Variants in LIPG observed in about 807,000 individuals in gnomAD.
The protein encoded by LIPG is endothelial lipase.
LIPG carries 34 observed loss-of-function variants against 51.8 expected under a neutral mutation model. That is an observed-to-expected ratio of 0.66 (90% CI 0.50 to 0.87). The LOEUF (loss-of-function observed/expected upper bound fraction) is 0.87. Ranked by LOEUF, LIPG falls within the 40% of genes least tolerant of loss-of-function variation. The pLI is 0.00. For synonymous variants in LIPG, 246 were observed against 246.1 expected (o/e 1.00, Z 0.00); for missense variants, 580 against 652.7 (o/e 0.89, Z 1.21).
At chr18:49,561,617 G>T, upstream of LIPG, 1 of 1,174,164 alleles carries the variant, frequency 8.5e-7, no homozygotes, top group South Asian at 4.3e-5. Flanking sequence ...GCTCTCCCCC[G>T]ACGGACTCCC....
upstream of LIPG, chr18:49,561,999 C>G (rs1199000570): frequency 2.1e-6 from 3 of 1,406,200 alleles, no homozygotes; most frequent in Non-Finnish European, 2.8e-6. Flanking sequence ...AAATCACCAT[C>G]TGGCGATGGG....
At chr18:49,577,913 G>C (rs1196263269) in intron 5 of LIPG, among the ~76,000 whole-genome samples, 1 of 107,606 alleles carries the variant, frequency 9.3e-6, no homozygotes, top group Non-Finnish European at 1.9e-5. Context: ...TTCCCAGTAG[G>C]GGTGGGCGGG....
intron 1 of LIPG, among the ~76,000 whole-genome samples, chr18:49,565,075 A>C (rs1683505418): frequency 6.6e-6 from 1 of 152,250 alleles, no homozygotes; most frequent in African/African-American, 2.4e-5. Context: ...AGATCTATTT[A>C]TTTCAGAGTG....
intron 9 of LIPG, among the ~76,000 whole-genome samples, chr18:49,587,872 C>T (rs763605937): frequency 6.6e-5 from 10 of 151,970 alleles, no homozygotes; most frequent in East Asian, 3.9e-4. Context: ...ACTGCAGCCT[C>T]GACCTCCCCA....
intron 4 of LIPG, among the ~76,000 whole-genome samples, chr18:49,571,735 C>T (rs906585671): frequency 4.6e-5 from 7 of 152,152 alleles, no homozygotes; most frequent in African/African-American, 7.2e-5. Flanking sequence ...TGGGGTCCTG[C>T]GTCCAGTGAT....
chr18:49,583,483 CTG>C, intron 7 of LIPG, 71 bp from the exon 8 acceptor site: 1 of 1,273,708 alleles, frequency 7.9e-7, no homozygotes. Flanking sequence ...GTTACTGCCA[CTG>C]TGTCACCCCA....
intron 5 of LIPG, among the ~76,000 whole-genome samples, chr18:49,577,625 G>A (rs962183526): frequency 6.9e-6 from 1 of 145,296 alleles, no homozygotes; most frequent in African/African-American, 2.7e-5. Context: ...CTCCCGGACG[G>A]GGCGGCTGGC....
At chr18:49,574,254 T>G (rs1397205909) in intron 4 of LIPG, among the ~76,000 whole-genome samples, 6 of 152,162 alleles carry the variant, frequency 3.9e-5, no homozygotes, top group Non-Finnish European at 8.8e-5. Context: ...TCTCTTAAGA[T>G]CTCACGTGGA....
intron 8 of LIPG, among the ~76,000 whole-genome samples, chr18:49,584,423 C>G (rs1431836008): frequency 1.3e-5 from 2 of 152,206 alleles, no homozygotes; most frequent in African/African-American, 4.8e-5. Flanking sequence ...TGCCTGGACT[C>G]CCTGAGCAGG....
intron 6 of LIPG, 73 bp downstream of exon 6, chr18:49,581,730 A>C: frequency 6.3e-7 from 1 of 1,575,048 alleles, no homozygotes; most frequent in Non-Finnish European, 8.6e-7. Flanking sequence ...GCTGCAGAGC[A>C]GGGCACATCC....
In LIPG at chr18:49,597,022, G is replaced by T. The variant is rs138799470; in HGVS notation, c.*6500G>T. ...GTTGTCTGCATTGTTTAAAGAAGAC[G>T]TTTGTTAATCCAAATTAATCTTTGA... On this transcript the variant is annotated 3_prime_UTR_variant, in exon 10 of 10. Coordinates refer to ENST00000261292, the MANE Select transcript of LIPG (RefSeq NM_006033.4). The T allele has an allele frequency of 6.6e-6, 1 of 152,176 alleles. No individual in the cohort carries two copies. The highest frequency in any genetic ancestry group is 2.4e-5 in the African/African-American group (1 of 41,426). 9.4% of individuals were successfully genotyped at this position (152,176 alleles called of 1,614,324 possible).
intron 4 of LIPG, among the ~76,000 whole-genome samples, chr18:49,574,521 C>G (rs1475339407): frequency 1.3e-5 from 2 of 152,156 alleles, no homozygotes; most frequent in African/African-American, 4.8e-5. Flanking sequence ...GTGAAAGTCT[C>G]TCTTACTGCT....
chr18:49,573,254 G>A lies in LIPG; in HGVS notation c.572-2115G>A, dbSNP rs192242697. Among the ~76,000 whole-genome samples, 33 of 152,352 alleles carry A rather than the reference G, an allele frequency of 2.2e-4. No individual in the cohort carries two copies. The East Asian group carries it at 5.0e-3, about 23-fold the overall frequency. ...CCTCCAGGGGACATGGTGAGAGGCA[G>A]GGAGAGGCCGCTGTGTCAGTACTGC... On this transcript the variant is annotated intron_variant, in intron 4 of 9. Coordinates refer to ENST00000261292, the MANE Select transcript of LIPG (RefSeq NM_006033.4).
rs868469854 is a variant in LIPG, at chr18:49,568,746, A to G, written c.460-691A>G. Among the ~76,000 whole-genome samples the G allele has an allele frequency of 2.0e-5, 3 of 152,170 alleles. No homozygotes were observed. In the East Asian group the frequency reaches 5.8e-4, roughly 29 times the overall value. On this transcript the variant is annotated intron_variant, in intron 3 of 9. Coordinates refer to ENST00000261292, the MANE Select transcript of LIPG (RefSeq NM_006033.4). ...GGATTTAGCTGGGAGAAGGCAGGGC[A>G]GGGTACACTGTCAAAGCGGCACCAT...
Position 49,594,230 on chromosome 18 carries a change from G to A in LIPG, c.*3708G>A, listed in dbSNP as rs9953437. ...GCCCACTGCAACCTCCGCCTCCTGG[G>A]TTCAAGTGATTCTCCTGCCTCAGCC... On this transcript the variant is annotated 3_prime_UTR_variant, in exon 10 of 10. Coordinates refer to ENST00000261292, the MANE Select transcript of LIPG (RefSeq NM_006033.4). The A allele has an allele frequency of 0.12, 18,166 of 152,178 alleles. 1,784 individuals carry two copies. Among genetic ancestry groups the A allele is most frequent in the East Asian group, 0.42 (2,174 of 5,170 alleles). 9.4% of individuals were successfully genotyped at this position (152,178 alleles called of 1,614,324 possible).
rs1357878601 is a variant in LIPG at position 49,595,520 on chromosome 18, G to C, written c.*4998G>C. On this transcript the variant is annotated 3_prime_UTR_variant, in exon 10 of 10. Transcript: ENST00000261292. ...TTTGTAAACATTTGAATTGATAAGA[G>C]GACAGTGTGAGACAAAAATAAAATC... The C allele has an allele frequency of 2.0e-5, 3 of 152,082 alleles. No homozygotes were observed. Among genetic ancestry groups the C allele is most frequent in the Admixed American group, 2.0e-4 (3 of 15,258 alleles). The allele number at this position is 152,082 out of a possible 1,614,324, so 9.4% of individuals were successfully genotyped here.
At chr18:49,564,168 C>G (rs1254395307) in intron 1 of LIPG, among the ~76,000 whole-genome samples, 1 of 152,182 alleles carries the variant, frequency 6.6e-6, no homozygotes, top group East Asian at 1.9e-4. Flanking sequence ...CACTATATCT[C>G]TTTCCTTTTG....
Position 49,571,899 on chromosome 18 carries a change from A to G in LIPG, c.571+2351A>G, listed in dbSNP as rs565851246. ...AGAGAAGCCTGTGATACTAGGAAAGAGGTCATATATTTATAGTTGAACCTG... is the reference window on the plus strand; with the variant it reads ...AGAGAAGCCTGTGATACTAGGAAAGGGGTCATATATTTATAGTTGAACCTG... On this transcript the variant is annotated intron_variant, in intron 4 of 9. Coordinates refer to ENST00000261292, the MANE Select transcript of LIPG (RefSeq NM_006033.4). 1.7e-4 allele frequency among the ~76,000 whole-genome samples: 26 copies of G among 152,344 alleles called. 1 individual carries two copies. The South Asian group carries it at 5.2e-3, about 30-fold the overall frequency.
upstream of LIPG, chr18:49,561,516 G>T: frequency 2.2e-6 from 1 of 445,594 alleles, no homozygotes; most frequent in Non-Finnish European, 3.7e-6. Flanking sequence ...GCTCCGCCGG[G>T]TTATTGTGCG....
Sources: allele counts gnomAD v4.1 joint callset (sites outside exome capture counted in the v4.1 genomes callset), GRCh38; gene constraint gnomAD v4.1.1; transcripts MANE v1.5; gene names NCBI Gene and HGNC (gene_info 2026-07-23, HGNC 2026-07-21).